The following PIP5K1C variants were observed in gnomAD, a reference collection of about 807,000 sequenced individuals.
PIP5K1C encodes phosphatidylinositol 4-phosphate 5-kinase type-1 gamma.
A neutral mutation model predicts 80.1 loss-of-function variants in PIP5K1C; 45 were observed. The observed-to-expected ratio is 0.56, with a 90% confidence interval of 0.44 to 0.72. The LOEUF (loss-of-function observed/expected upper bound fraction) is 0.72. PIP5K1C is among the 30% of genes least tolerant of loss of function. The probability of loss-of-function intolerance (pLI) is 0.00; values close to 1 mark genes in which losing one functional copy is unlikely to be tolerated. For synonymous variants in PIP5K1C, 498 were observed against 420.1 expected, an observed-to-expected ratio of 1.19 and a Z score of -2.27; for missense variants, 753 against 954.6, an observed-to-expected ratio of 0.79 and a Z score of 2.78.
At chr19:3,675,247 A>T (rs1432921830) in intron 1 of PIP5K1C, among the ~76,000 whole-genome samples, 1 of 152,218 alleles carries the variant, frequency 6.6e-6, no homozygotes, top group Non-Finnish European at 1.5e-5. Context: ...TCAAAGAGTG[A>T]ATTTTGTGTC....
Position 3,643,265 on chromosome 19 carries a change from T to TCTC in PIP5K1C, c.1624_1626dup (p.Glu542dup). 6.2e-7 allele frequency: 1 copy of TCTC among 1,613,544 alleles called. No individual in the cohort carries two copies. The highest frequency in any genetic ancestry group is 1.3e-5 in the African/African-American group (1 of 74,958). On this transcript the variant is annotated inframe_insertion, in exon 13 of 18. Transcript: ENST00000335312. ...CACCTGTACCGCGGCTGCTCCGACG[T>TCTC]CTCCGAGGGGGACCGCTCAGGAATG... is the stretch of plus-strand genomic sequence containing the variant.
intron 1 of PIP5K1C, among the ~76,000 whole-genome samples, chr19:3,689,270 G>A (rs2035871475): frequency 6.6e-6 from 1 of 152,178 alleles, no homozygotes; most frequent in African/African-American, 2.4e-5. Context: ...ATCATGCCCA[G>A]AGGCTCACAG....
At chr19:3,689,073 C>T (rs1034861922) in intron 1 of PIP5K1C, among the ~76,000 whole-genome samples, 3 of 152,142 alleles carry the variant, frequency 2.0e-5, no homozygotes, top group African/African-American at 4.8e-5. Context: ...GGCTGGAGTG[C>T]AGTGGTGCAA....
At chr19:3,652,087 C>A (rs546774819) in intron 7 of PIP5K1C, 56 bp from the exon 8 acceptor site, 1 of 1,555,364 alleles carries the variant, frequency 6.4e-7, no homozygotes, top group African/African-American at 1.4e-5. Flanking sequence ...TCCCCCACAA[C>A]GGCTCCCGGA....
At position 3,648,712 on chromosome 19, in the gene PIP5K1C, G is replaced by A. The variant is rs368670515; in HGVS notation, c.1128-4C>T. The A allele has an allele frequency of 3.1e-6, 5 of 1,612,492 alleles. No individual in the cohort carries two copies. In the African/African-American group the frequency reaches 6.7e-5, roughly 22 times the overall value. ...CACAGCGGGGATCCCGCCCATCCTG[G>A]GGAGAGAGGCCGAGGGTACCATCAG... On this transcript the variant is annotated splice_region_variant and splice_polypyrimidine_tract_variant and intron_variant, in intron 8 of 17. Transcript: ENST00000335312. This position sits in a 1 kb window ranked among gnomAD's most constrained non-coding sequence, Gnocchi z 4.3.
rs909666362 is a variant in PIP5K1C, at chr19:3,676,149, C to G, written c.95-8796G>C. On this transcript the variant is annotated intron_variant, in intron 1 of 17. Transcript: ENST00000335312. Reference sequence around the variant, plus strand: ...GGGGAGAACCCATGTGGCCAGGCCTCCCGCGTGACCGTCTCTAACCCATAC... The same window carrying G: ...GGGGAGAACCCATGTGGCCAGGCCTGCCGCGTGACCGTCTCTAACCCATAC... 2.1e-5 allele frequency among the ~76,000 whole-genome samples: 3 copies of G among 144,546 alleles called. No individual in the cohort carries two copies. In the East Asian group the frequency reaches 5.8e-4, roughly 28 times the overall value. 94.8% of individuals were successfully genotyped at this position (144,546 alleles called of 152,430 possible).
chr19:3,672,689 C>T (rs986337024), intron 1 of PIP5K1C: 1 of 152,418 alleles, frequency 6.6e-6, no homozygotes, highest in Admixed American at 6.5e-5. Flanking sequence ...AAACAGGGCA[C>T]ATTCTGGGCT....
At chr19:3,640,928 C>T (rs56095180) in intron 15 of PIP5K1C, among the ~76,000 whole-genome samples, 1 of 152,098 alleles carries the variant, frequency 6.6e-6, no homozygotes, top group Admixed American at 6.5e-5. Flanking sequence ...ACCTCGTGAT[C>T]CGCCTGCCTC....
chr19:3,694,627 C>A (rs935965549), intron 1 of PIP5K1C, among the ~76,000 whole-genome samples: 5 of 152,380 alleles, frequency 3.3e-5, no homozygotes, highest in African/African-American at 1.2e-4. Flanking sequence ...CACCCGCTGT[C>A]CTCAGGTCCG....
Position 3,643,331 on chromosome 19 carries a change from T to G in PIP5K1C, c.1561A>C (p.Thr521Pro). ...CTPPSFEEAT[T>P]ASIATTLSST... is the part of the protein sequence containing the mutation. ...GACAGAGTCGTGGCAATGGAGGCTGTAGTGGCTTCTTCGAAAGAAGGTGGC... is the reference window on the plus strand; with the variant it reads ...GACAGAGTCGTGGCAATGGAGGCTGGAGTGGCTTCTTCGAAAGAAGGTGGC... Residue 521 changes from threonine to proline, a missense_variant, in exon 13 of 18, where the codon ACA becomes CCA. Physicochemically the swap from Thr to Pro is conservative, Grantham distance 38. Around this residue, in one of 6 missense-constraint regions of PIP5K1C, gnomAD observed 315 missense variants for 294.5 expected, o/e 1.07. Transcript: ENST00000335312. 1 of 1,613,900 alleles carries G rather than the reference T, an allele frequency of 6.2e-7. No individual in the cohort carries two copies. Among genetic ancestry groups the G allele is most frequent in the Non-Finnish European group, 8.5e-7 (1 of 1,179,952 alleles).
intron 1 of PIP5K1C, among the ~76,000 whole-genome samples, chr19:3,689,742 C>G (rs560044177): frequency 6.6e-6 from 1 of 152,128 alleles, no homozygotes; most frequent in Non-Finnish European, 1.5e-5. Context: ...GCAATCAACA[C>G]GCAAATGGCC....
chr19:3,685,643 T>C (rs898651329), intron 1 of PIP5K1C, among the ~76,000 whole-genome samples: 1 of 150,712 alleles, frequency 6.6e-6, no homozygotes, highest in African/African-American at 2.4e-5. Flanking sequence ...GGCAGGAGAA[T>C]GGCGTGAACC....
chr19:3,672,062 G>A (rs1041735030), intron 1 of PIP5K1C, among the ~76,000 whole-genome samples: 5 of 152,208 alleles, frequency 3.3e-5, no homozygotes, highest in East Asian at 1.9e-4. Context: ...ATCACAGGAC[G>A]TGGTGGCGAC....
chr19:3,646,216 CG>C (rs2034208214), intron 10 of PIP5K1C, among the ~76,000 whole-genome samples, 158 bp from the exon 11 acceptor site: 1 of 152,086 alleles, frequency 6.6e-6, no homozygotes, highest in Admixed American at 6.5e-5. Context: ...GAGGGGCTCA[CG>C]GAACAGGGAA....
At chr19:3,646,371 G>A (rs1265402962) in intron 10 of PIP5K1C, among the ~76,000 whole-genome samples, 1 of 152,164 alleles carries the variant, frequency 6.6e-6, no homozygotes, top group African/African-American at 2.4e-5. Context: ...GGACTTGTAG[G>A]GGAGGCTGAG....
At chr19:3,657,432 C>A (rs977075897) in intron 5 of PIP5K1C, among the ~76,000 whole-genome samples, 1 of 152,202 alleles carries the variant, frequency 6.6e-6, no homozygotes, top group Non-Finnish European at 1.5e-5. Flanking sequence ...AAAATCCTAA[C>A]TGGTCGCCAT....
intron 1 of PIP5K1C, among the ~76,000 whole-genome samples, chr19:3,695,497 C>T (rs1218176810): frequency 1.3e-5 from 2 of 152,310 alleles, no homozygotes; most frequent in Admixed American, 6.5e-5. Context: ...ACAGGTACAC[C>T]GAGGCTGCAC....
Position 3,630,242 on chromosome 19 carries a change from T to C in PIP5K1C, c.*2925A>G. ...AAAGACGGGGTGTGGCGGGGGTAGG[T>C]GGGCGAGGAACCTGGGATGCAAACC... is the stretch of plus-strand genomic sequence containing the variant. On this transcript the variant is annotated 3_prime_UTR_variant, in exon 18 of 18. Coordinates refer to ENST00000335312, the MANE Select transcript of PIP5K1C (RefSeq NM_012398.3). 6.6e-6 allele frequency: 1 copy of C among 151,104 alleles called. No individual in the cohort carries two copies. Among genetic ancestry groups the C allele is most frequent in the Non-Finnish European group, 1.5e-5 (1 of 67,568 alleles). 9.4% of individuals were successfully genotyped at this position (151,104 alleles called of 1,614,324 possible).
In PIP5K1C at chr19:3,653,513, A is replaced by T; in HGVS notation, c.698T>A (p.Ile233Asn). 6.2e-7 allele frequency: 1 copy of T among 1,613,772 alleles called. No homozygotes were observed. The highest frequency in any genetic ancestry group is 8.5e-7 in the Non-Finnish European group (1 of 1,180,006). Residue 233 changes from isoleucine (I) to asparagine (N), a missense_variant, in exon 7 of 18, where the codon ATC becomes AAC. Around this residue, in one of 6 missense-constraint regions of PIP5K1C, gnomAD observed 139 missense variants for 289.7 expected, o/e 0.48. Coordinates refer to ENST00000335312, the MANE Select transcript of PIP5K1C (RefSeq NM_012398.3). ...GATGTTGTTCATGACCACGACGCGG[A>T]TGTTCTTGCCCCCCGACTGCACGCA... ...LYCVQSGGKNIRVVVMNNILP... is the reference protein window; with the variant it reads ...LYCVQSGGKNNRVVVMNNILP...
Sources: allele counts gnomAD v4.1 joint callset (sites outside exome capture counted in the v4.1 genomes callset), GRCh38; gene constraint gnomAD v4.1.1; regional missense constraint gnomAD v4.1.1; non-coding constraint Gnocchi (gnomAD v3.1); transcripts MANE v1.5; gene names NCBI Gene and HGNC (gene_info 2026-07-23, HGNC 2026-07-21).